Variants in CPQ observed in about 807,000 individuals in gnomAD.
CPQ encodes Ser-Met dipeptidase.
Under a neutral mutation model 45.7 loss-of-function variants are expected in CPQ, and 37 were observed. The observed-to-expected ratio is 0.81, with a 90% CI of 0.62 to 1.07. The LOEUF is 1.07. Among genes scored for constraint, CPQ ranks in the 50% least tolerant of loss-of-function variants. The pLI, the probability that CPQ is intolerant of heterozygous loss-of-function variation, is 0.00. For synonymous variants in CPQ, 186 were observed against 205.8 expected (o/e 0.90, Z 0.82); for missense variants, 537 against 572.9 (o/e 0.94, Z 0.64).
intron 7 of CPQ, among the ~76,000 whole-genome samples, chr8:97,122,884 CAATAAAATAAAATAAAATAA>C (rs1193951271): frequency 5.6e-5 from 4 of 71,142 alleles, no homozygotes; most frequent in African/African-American, 8.4e-5. Context: ...AACTCTGTCT[CAATAAAATAAAATAAAATAA>C]AATAAAATAA....
chr8:96,712,004 CAT>C (rs1326152188), intron 1 of CPQ, among the ~76,000 whole-genome samples: 1 of 152,160 alleles, frequency 6.6e-6, no homozygotes, highest in African/African-American at 2.4e-5. Flanking sequence ...GGGATACAGA[CAT>C]TGGGTAAATA....
rs566172635 is a variant in CPQ at position 97,041,693 on chromosome 8, G to A, written c.1053+12199G>A. ...TAATTTATTGAGAGTTTTTAGCATG[G>A]AGGGTTGTTGAATTTTGTCAAAGGC... On this transcript the variant is annotated intron_variant, in intron 6 of 7. Coordinates refer to ENST00000220763, the MANE Select transcript of CPQ (RefSeq NM_016134.4). Among the ~76,000 whole-genome samples, 463 of 152,198 alleles carry A rather than the reference G, an allele frequency of 3.0e-3. 2 individuals carry two copies. Among genetic ancestry groups the A allele is most frequent in the Middle Eastern group, 3.4e-3 (1 of 294 alleles).
intron 1 of CPQ, among the ~76,000 whole-genome samples, chr8:96,729,689 A>G (rs974765320): frequency 1.3e-5 from 2 of 152,162 alleles, no homozygotes; most frequent in African/African-American, 2.4e-5. Context: ...AATTTTCTGC[A>G]TAACTGTAAT....
intron 4 of CPQ, among the ~76,000 whole-genome samples, chr8:96,893,635 T>C (rs1369806666): frequency 2.0e-5 from 3 of 152,198 alleles, no homozygotes; most frequent in African/African-American, 7.2e-5. Flanking sequence ...ATAATTGGAC[T>C]AAGGTCAGGC....
intron 5 of CPQ, among the ~76,000 whole-genome samples, chr8:97,012,969 T>C (rs1809515906): frequency 6.6e-6 from 1 of 152,160 alleles, no homozygotes; most frequent in Non-Finnish European, 1.5e-5. Flanking sequence ...CCAAATACTT[T>C]CCTTGAAGAA....
At chr8:96,994,392 T>A (rs1055500772) in intron 5 of CPQ, among the ~76,000 whole-genome samples, 35 of 152,018 alleles carry the variant, frequency 2.3e-4, no homozygotes, top group African/African-American at 8.5e-4. Flanking sequence ...CCAAAGTGAG[T>A]GGTCAGTAGG....
chr8:97,038,215 G>A (rs945625118), intron 6 of CPQ, among the ~76,000 whole-genome samples: 1 of 152,172 alleles, frequency 6.6e-6, no homozygotes, highest in African/African-American at 2.4e-5. Flanking sequence ...GCCTTTTAAA[G>A]TTACTCCTAA....
chr8:96,905,046 T>C (rs1812558095), intron 4 of CPQ, among the ~76,000 whole-genome samples: 1 of 152,114 alleles, frequency 6.6e-6, no homozygotes, highest in African/African-American at 2.4e-5. Context: ...GGGTAATTTA[T>C]AGAGAAAAGA....
chr8:96,727,184 T>C (rs1243209164), intron 1 of CPQ, among the ~76,000 whole-genome samples: 1 of 152,204 alleles, frequency 6.6e-6, no homozygotes, highest in African/African-American at 2.4e-5. Flanking sequence ...TTTTCCACTT[T>C]AGGGAGTAAT....
chr8:96,688,429 A>G lies in CPQ; in HGVS notation c.-35+43027A>G, dbSNP rs566677615. On this transcript the variant is annotated intron_variant, in intron 1 of 7. Transcript: ENST00000220763. ...TAATGAGTATGTTTAGGCCATGTGTAGTTGTAGAAATAAGTGTTTACTTTT... is the reference window on the plus strand; with the variant it reads ...TAATGAGTATGTTTAGGCCATGTGTGGTTGTAGAAATAAGTGTTTACTTTT... 2.6e-5 allele frequency among the ~76,000 whole-genome samples: 4 copies of G among 152,240 alleles called. No homozygotes were observed. The South Asian group carries it at 8.3e-4, about 32-fold the overall frequency.
intron 6 of CPQ, among the ~76,000 whole-genome samples, chr8:97,049,231 A>G (rs972520362): frequency 2.6e-5 from 4 of 152,178 alleles, no homozygotes; most frequent in Non-Finnish European, 4.4e-5. Flanking sequence ...GATTAGGTGA[A>G]AAATGCCTTT....
intron 5 of CPQ, among the ~76,000 whole-genome samples, chr8:96,993,178 T>A (rs1004582238): frequency 2.6e-5 from 4 of 152,216 alleles, no homozygotes; most frequent in African/African-American, 9.6e-5. Flanking sequence ...TAATTTGCAT[T>A]AGTCTAACTC....
At chr8:96,968,598 A>C (rs1286208423) in intron 5 of CPQ, among the ~76,000 whole-genome samples, 1 of 152,214 alleles carries the variant, frequency 6.6e-6, no homozygotes, top group Non-Finnish European at 1.5e-5. Flanking sequence ...CTCTTTTTCC[A>C]AGAAAAATGA....
At chr8:96,946,501 C>T (rs980713881) in intron 4 of CPQ, among the ~76,000 whole-genome samples, 6 of 151,884 alleles carry the variant, frequency 4.0e-5, no homozygotes, top group African/African-American at 1.5e-4. Context: ...GCACATTGTG[C>T]AGGTTAGTTA....
chr8:96,669,503 G>C (rs1055507491), intron 1 of CPQ, among the ~76,000 whole-genome samples: 4 of 152,106 alleles, frequency 2.6e-5, no homozygotes, highest in Non-Finnish European at 5.9e-5. Flanking sequence ...AATGGATGTG[G>C]AGTCTCATAA....
chr8:97,078,538 A>G (rs1380226948), intron 7 of CPQ, among the ~76,000 whole-genome samples: 1 of 152,126 alleles, frequency 6.6e-6, no homozygotes, highest in Non-Finnish European at 1.5e-5. Flanking sequence ...TCCCCTGCCT[A>G]CAATCCTGGC....
chr8:96,877,967 C>CT (rs879391334), intron 3 of CPQ, among the ~76,000 whole-genome samples: 38 of 147,572 alleles, frequency 2.6e-4, no homozygotes, highest in Non-Finnish European at 2.7e-4. Context: ...CTTTTCTTTT[C>CT]TTTTTTTTTT....
chr8:96,990,563 A>T (rs1330266393), intron 5 of CPQ, among the ~76,000 whole-genome samples: 1 of 152,084 alleles, frequency 6.6e-6, no homozygotes, highest in Non-Finnish European at 1.5e-5. Context: ...TTTTCCTCTA[A>T]CTTAGCCTCC....
chr8:96,696,058 T>G (rs576841014), intron 1 of CPQ, among the ~76,000 whole-genome samples: 2 of 151,726 alleles, frequency 1.3e-5, no homozygotes, highest in South Asian at 4.2e-4. Context: ...CCAACAATGA[T>G]AGACTGGATT....
Sources: allele counts gnomAD v4.1 joint callset (sites outside exome capture counted in the v4.1 genomes callset), GRCh38; gene constraint gnomAD v4.1.1; transcripts MANE v1.5; gene names NCBI Gene and HGNC (gene_info 2026-07-23, HGNC 2026-07-21).